CNTNAP4: variants seen among roughly 807,000 people sequenced by gnomAD.
CNTNAP4 encodes the protein contactin-associated protein-like 4.
CNTNAP4 carries 98 observed loss-of-function variants against 148.4 expected under a neutral mutation model. That is an observed-to-expected ratio of 0.66 (90% CI 0.56 to 0.78). The LOEUF is 0.78. Ranked by LOEUF, CNTNAP4 falls within the 30% of genes least tolerant of loss-of-function variation. CNTNAP4 has a pLI of 0.00. For missense variants in CNTNAP4, 1,935 were observed against 1,565.6 expected (o/e 1.24, Z -3.98); for synonymous variants, 730 against 565.1 (o/e 1.29, Z -4.14).
chr16:76,450,194 G>A (rs554201324), intron 7 of CNTNAP4, among the ~76,000 whole-genome samples: 1 of 151,826 alleles, frequency 6.6e-6, no homozygotes, highest in Non-Finnish European at 1.5e-5. Context: ...CTGTCACCCA[G>A]GCTGGGGTGC....
intron 3 of CNTNAP4, among the ~76,000 whole-genome samples, chr16:76,416,699 T>A (rs1387533212): frequency 1.3e-5 from 2 of 151,416 alleles, no homozygotes; most frequent in Non-Finnish European, 3.0e-5. Flanking sequence ...GATGAGTGTG[T>A]CTGCTGTTGT....
chr16:76,486,949 G>A (rs1288136415), intron 12 of CNTNAP4, among the ~76,000 whole-genome samples: 1 of 152,122 alleles, frequency 6.6e-6, no homozygotes, highest in African/African-American at 2.4e-5. Context: ...ATGAGCGAAT[G>A]GTCCCTGATT....
At chr16:76,466,490 C>G (rs971826959) in intron 9 of CNTNAP4, among the ~76,000 whole-genome samples, 1 of 151,994 alleles carries the variant, frequency 6.6e-6, no homozygotes, top group African/African-American at 2.4e-5. Context: ...CTTTGCATGC[C>G]TGTTTCAAAA....
chr16:76,349,754 A>G (rs1347392468), intron 2 of CNTNAP4, among the ~76,000 whole-genome samples: 2 of 152,112 alleles, frequency 1.3e-5, no homozygotes, highest in East Asian at 1.9e-4. Context: ...CCATCATTCA[A>G]TTATGTTCAC....
intron 3 of CNTNAP4, among the ~76,000 whole-genome samples, chr16:76,373,898 A>C (rs2015131202): frequency 1.0e-4 from 2 of 19,546 alleles, no homozygotes. Flanking sequence ...TCCATCTCAC[A>C]AAAAAAAAAA....
At chr16:76,411,147 A>T in intron 3 of CNTNAP4, among the ~76,000 whole-genome samples, 1 of 151,468 alleles carries the variant, frequency 6.6e-6, no homozygotes, top group Non-Finnish European at 1.5e-5. Context: ...GGGCTGATTC[A>T]ACTCTATCCA....
chr16:76,539,895 T>C, intron 20 of CNTNAP4, 43 bp downstream of exon 20: 5 of 1,451,636 alleles, frequency 3.4e-6, no homozygotes, highest in Non-Finnish European at 4.6e-6. Flanking sequence ...TTAATGACTC[T>C]CCAGCATGAA....
intron 4 of CNTNAP4, among the ~76,000 whole-genome samples, chr16:76,441,673 A>C (rs539831863): frequency 1.3e-5 from 2 of 152,162 alleles, no homozygotes; most frequent in Non-Finnish European, 2.9e-5. Context: ...TGGCAATGAC[A>C]TTGATAATTA....
At chr16:76,496,039 T>C (rs567338053) in intron 14 of CNTNAP4, among the ~76,000 whole-genome samples, 1 of 151,752 alleles carries the variant, frequency 6.6e-6, no homozygotes, top group South Asian at 2.1e-4. Context: ...ACATCAAGAT[T>C]ATATCATACA....
chr16:76,471,555 G>C (rs1023263252), intron 10 of CNTNAP4, among the ~76,000 whole-genome samples: 4 of 151,920 alleles, frequency 2.6e-5, no homozygotes, highest in African/African-American at 9.7e-5. Context: ...CAGCCCTCAG[G>C]TTCTGGCCTC....
At chr16:76,519,297 T>C (rs1406514394) in intron 15 of CNTNAP4, among the ~76,000 whole-genome samples, 3 of 152,180 alleles carry the variant, frequency 2.0e-5, no homozygotes, top group Non-Finnish European at 4.4e-5. Context: ...GTTTCATTGC[T>C]TTAAAGACAT....
rs559022332 is a variant in CNTNAP4 at position 76,503,836 on chromosome 16, G to A, written c.2365+5142G>A. ...GAATGATGGTTTCCAAAAGTAAATT[G>A]TATTTCTATATGCTAATGATAAAAA... On this transcript the variant is annotated intron_variant, in intron 15 of 23. Transcript: ENST00000611870. Among the ~76,000 whole-genome samples, 540 of 151,956 alleles carry A rather than the reference G, an allele frequency of 3.6e-3. 2 individuals are homozygous for A. The highest frequency in any genetic ancestry group is 0.012 in the African/African-American group (517 of 41,462).
At chr16:76,521,021 A>G in intron 15 of CNTNAP4, 119 bp from the exon 16 acceptor site, 1 of 906,454 alleles carries the variant, frequency 1.1e-6, no homozygotes, top group South Asian at 1.6e-5. Context: ...GCAGATTTGT[A>G]TAAATAACAT....
chr16:76,364,357 T>C (rs796182612), intron 3 of CNTNAP4, among the ~76,000 whole-genome samples: 47 of 152,200 alleles, frequency 3.1e-4, no homozygotes, highest in African/African-American at 1.1e-3. Context: ...AATGGATCTG[T>C]TTGTAAGCAA....
At chr16:76,304,167 T>C (rs1307084136) in intron 1 of CNTNAP4, among the ~76,000 whole-genome samples, 1 of 152,130 alleles carries the variant, frequency 6.6e-6, no homozygotes, top group Admixed American at 6.6e-5. Flanking sequence ...ACCATCATTA[T>C]CCTCATTTCG....
intron 1 of CNTNAP4, among the ~76,000 whole-genome samples, chr16:76,307,338 T>C (rs141763458): frequency 1.3e-5 from 2 of 151,970 alleles, no homozygotes; most frequent in Non-Finnish European, 2.9e-5. Context: ...CTACAATTTG[T>C]TCACTTAGTA....
At chr16:76,551,404 AAT>A (rs71272457) in intron 21 of CNTNAP4, among the ~76,000 whole-genome samples, 13,173 of 139,430 alleles carry the variant, frequency 0.094, 658 homozygotes, top group South Asian at 0.14. Flanking sequence ...TTAAAAAAAA[AAT>A]ATATATATAT....
intron 3 of CNTNAP4, among the ~76,000 whole-genome samples, chr16:76,365,606 C>T (rs1163767998): frequency 6.6e-6 from 1 of 151,688 alleles, no homozygotes; most frequent in African/African-American, 2.4e-5. Flanking sequence ...CAAAAAATTA[C>T]CCGGGTATAG....
At chr16:76,294,773 C>T (rs1000363981) in intron 1 of CNTNAP4, among the ~76,000 whole-genome samples, 1 of 152,150 alleles carries the variant, frequency 6.6e-6, no homozygotes, top group African/African-American at 2.4e-5. Flanking sequence ...AGTTAGTAAG[C>T]CTCCACATTG....
Sources: allele counts gnomAD v4.1 joint callset (sites outside exome capture counted in the v4.1 genomes callset), GRCh38; gene constraint gnomAD v4.1.1; transcripts MANE v1.5; gene names NCBI Gene and HGNC (gene_info 2026-07-23, HGNC 2026-07-21).